The following TMUB2 variants were observed in gnomAD, a reference collection of about 807,000 sequenced individuals.
TMUB2 encodes the protein transmembrane and ubiquitin-like domain-containing protein 2.
Under a neutral mutation model 20.2 loss-of-function variants are expected in TMUB2, and 19 were observed. That is an observed-to-expected ratio of 0.94 (90% confidence interval 0.66 to 1.38). The LOEUF is 1.38. Ranked by LOEUF, TMUB2 falls within the 40% of genes most tolerant of loss-of-function variation. TMUB2 has a pLI of 0.00. For synonymous variants in TMUB2, 186 were observed against 166.0 expected (o/e 1.12, Z -0.92); for missense variants, 426 against 402.5 (o/e 1.06, Z -0.50).
At position 44,191,603 on chromosome 17, in the gene TMUB2, T is replaced by G; in HGVS notation, c.*739T>G. On this transcript the variant is annotated 3_prime_UTR_variant, in exon 4 of 4. Coordinates refer to ENST00000538716, the MANE Select transcript of TMUB2 (RefSeq NM_001076674.3). ...TGTAAGCAAGAGACAGCACTGGCCC[T>G]TGGCCAGCGTCCTACCCTGCCCAAC... 1.0e-6 allele frequency: 1 copy of G among 985,974 alleles called. No individual in the cohort carries two copies. Among genetic ancestry groups the G allele is most frequent in the Non-Finnish European group, 1.2e-6 (1 of 830,010 alleles). The allele number at this position is 985,974 out of a possible 1,614,324, so 61.1% of individuals were successfully genotyped here.
rs1479934015 is a variant in TMUB2 at position 44,190,960 on chromosome 17, G to A, written c.*96G>A. The A allele has an allele frequency of 1.3e-6, 2 of 1,510,984 alleles. No individual in the cohort carries two copies. Among genetic ancestry groups the A allele is most frequent in the Non-Finnish European group, 1.8e-6 (2 of 1,137,600 alleles). 93.6% of individuals were successfully genotyped at this position (1,510,984 alleles called of 1,614,324 possible). A position where few individuals can be genotyped will look rare whatever the true frequency, so the allele number is the denominator to read the frequency against. The stretch of plus-strand genomic sequence containing the variant: ...GGGCCCAAGGGCCGGGGAGGGAGGG[G>A]TGGAAAGGATGTGATGGAAATCTCC... On this transcript the variant is annotated 3_prime_UTR_variant, in exon 4 of 4. Transcript: ENST00000538716.
rs752891201 is a variant in TMUB2, at chr17:44,189,563, G to C, written c.577G>C (p.Glu193Gln). The C allele has an allele frequency of 6.2e-7, 1 of 1,604,266 alleles. No homozygotes were observed. Among genetic ancestry groups the C allele is most frequent in the South Asian group, 1.1e-5 (1 of 90,100 alleles). Residue 193 changes from glutamate (E) to glutamine (Q), a missense_variant, in exon 3 of 4, where the codon GAG (glutamate) becomes CAG (glutamine). Transcript: ENST00000538716. Reference sequence around the variant, plus strand: ...CGAGGAGCTGGCTGTGGCTAGGCCAGAGGATACCGTGGGTGCCCTGAAGAG... The same window carrying C: ...CGAGGAGCTGGCTGTGGCTAGGCCACAGGATACCGTGGGTGCCCTGAAGAG... ...DTEELAVARP[E>Q]DTVGALKSKY...
Position 44,191,164 on chromosome 17 carries a change from G to A in TMUB2, c.*300G>A, listed in dbSNP as rs1187138051. The stretch of plus-strand genomic sequence containing the variant: ...GCTCAGTGGGGAGCCTGGGCTCTGA[G>A]ATTCCCTCCCACCTGTGGTTCTGAC... On this transcript the variant is annotated 3_prime_UTR_variant, in exon 4 of 4. Coordinates refer to ENST00000538716, the MANE Select transcript of TMUB2 (RefSeq NM_001076674.3). 2 of 1,141,100 alleles carry A rather than the reference G, an allele frequency of 1.8e-6. No individual in the cohort carries two copies. The highest frequency in any genetic ancestry group is 1.2e-4 in the East Asian group (2 of 16,902). 70.7% of individuals were successfully genotyped at this position (1,141,100 alleles called of 1,614,324 possible).
At chr17:44,188,740 G>C (rs1170890721) in intron 2 of TMUB2, 1 of 363,752 alleles carries the variant, frequency 2.7e-6, no homozygotes. Context: ...CAGCAAGGCT[G>C]TGGGCTTTTC....
At position 44,187,751 on chromosome 17, in the gene TMUB2, C is replaced by T; in HGVS notation, c.35+8C>T. 1.4e-6 allele frequency: 1 copy of T among 718,538 alleles called. No homozygotes were observed. The highest frequency in any genetic ancestry group is 2.6e-6 in the Non-Finnish European group (1 of 385,046). The allele number at this position is 718,538 out of a possible 1,614,324, so 44.5% of individuals were successfully genotyped here. A position where few individuals can be genotyped will look rare whatever the true frequency, so the allele number is the denominator to read the frequency against. On this transcript the variant is annotated splice_region_variant and intron_variant, in intron 2 of 3. Coordinates refer to ENST00000538716, the MANE Select transcript of TMUB2 (RefSeq NM_001076674.3). ...TCAAAACAACCTCATGAGGTAGGTA[C>T]TGTTTTTAACCCCATTTTACTGATG...
Position 44,189,512 on chromosome 17 carries a change from G to A in TMUB2, c.526G>A (p.Val176Met), listed in dbSNP as rs181575979. 1.9e-5 allele frequency: 30 copies of A among 1,613,844 alleles called. No homozygotes were observed. The East Asian group carries it at 6.2e-4, about 34-fold the overall frequency. Residue 176 changes from valine to methionine, a missense_variant, in exon 3 of 4, where the codon GTG becomes ATG. Physicochemically the swap from Val to Met is conservative, Grantham distance 21. Coordinates refer to ENST00000538716, the MANE Select transcript of TMUB2 (RefSeq NM_001076674.3). ...CLPPSPGLIT[V>M]RLKFLNDTEE... is the part of the protein sequence containing the mutation. ...CCCTCCCAGCCCTGGCCTCATCACTGTGCGGCTCAAATTCCTCAATGATAC... is the reference window on the plus strand; with the variant it reads ...CCCTCCCAGCCCTGGCCTCATCACTATGCGGCTCAAATTCCTCAATGATAC...
intron 3 of TMUB2, 196 bp from the exon 4 acceptor site, chr17:44,190,305 C>G (rs191977306): frequency 8.9e-4 from 462 of 520,154 alleles, no homozygotes; most frequent in Non-Finnish European, 1.2e-3. Flanking sequence ...GAGCCGAGAT[C>G]GCGCCACTGC....
At position 44,189,268 on chromosome 17, in the gene TMUB2, C is replaced by T. The variant is rs544275908; in HGVS notation, c.282C>T (p.Pro94=). 39 of 1,606,458 alleles carry T rather than the reference C, an allele frequency of 2.4e-5. No individual in the cohort carries two copies. Among genetic ancestry groups the T allele is most frequent in the African/African-American group, 2.3e-4 (17 of 74,946 alleles). Residue 94 remains proline (P), a synonymous_variant, in exon 3 of 4, where the codon CCC becomes CCT. Transcript: ENST00000538716. ...VDHLVAGQGN[P]EPTELPHPSE... Reference sequence around the variant, plus strand: ...ACCTGGTGGCAGGCCAAGGCAACCCCGAGCCAACTGAACTCCCCCATCCAT... The same window carrying T: ...ACCTGGTGGCAGGCCAAGGCAACCCTGAGCCAACTGAACTCCCCCATCCAT...
At position 44,191,746 on chromosome 17, in the gene TMUB2, C is replaced by CA; in HGVS notation, c.*883dup. 1 of 985,638 alleles carries CA rather than the reference C, an allele frequency of 1.0e-6. No individual in the cohort carries two copies. Among genetic ancestry groups the CA allele is most frequent in the Non-Finnish European group, 1.2e-6 (1 of 829,862 alleles). The allele number at this position is 985,638 out of a possible 1,614,324, so 61.1% of individuals were successfully genotyped here. On this transcript the variant is annotated 3_prime_UTR_variant, in exon 4 of 4. Transcript: ENST00000538716. ...GTGGTCCTGCAGCCTCTTTCTGTGA[C>CA]AGAGAATGGCTTTGCGCTGCCCCCA...
At position 44,190,972 on chromosome 17, in the gene TMUB2, T is replaced by C. The variant is rs2055485407; in HGVS notation, c.*108T>C. 7.3e-6 allele frequency: 11 copies of C among 1,506,528 alleles called. No individual in the cohort carries two copies. The highest frequency in any genetic ancestry group is 9.7e-6 in the Non-Finnish European group (11 of 1,136,550). The allele number at this position is 1,506,528 out of a possible 1,614,324, so 93.3% of individuals were successfully genotyped here. A position where few individuals can be genotyped will look rare whatever the true frequency, so the allele number is the denominator to read the frequency against. The stretch of plus-strand genomic sequence containing the variant: ...CGGGGAGGGAGGGGTGGAAAGGATG[T>C]GATGGAAATCTCCTCCATAGGACAC... On this transcript the variant is annotated 3_prime_UTR_variant, in exon 4 of 4. Transcript: ENST00000538716.
chr17:44,190,386 GAAA>G, intron 3 of TMUB2, 112 bp from the exon 4 acceptor site: 1 of 1,005,932 alleles, frequency 9.9e-7, no homozygotes, highest in East Asian at 2.8e-5. Context: ...AAAGATGAGG[GAAA>G]AAAAAATCCA....
intron 1 of TMUB2, 148 bp from the exon 2 acceptor site, chr17:44,187,528 T>C (rs951409684): frequency 2.3e-5 from 14 of 617,408 alleles, no homozygotes; most frequent in Non-Finnish European, 3.5e-5. Context: ...GAGAGTTCCC[T>C]GTGTCTGTGC....
At chr17:44,189,705 A>C in intron 3 of TMUB2, 117 bp downstream of exon 3, 1 of 956,600 alleles carries the variant, frequency 1.0e-6, no homozygotes, top group Non-Finnish European at 1.5e-6. Flanking sequence ...AGCCCCTACC[A>C]AGGGCAGGTA....
In TMUB2 at chr17:44,187,679, G is replaced by C. The variant is rs1258403554; in HGVS notation, c.-30G>C. ...ATTAAGCAATTGCAATTTGCAGTGT[G>C]CCAGGCACTGTGCCAAGTATTTTGC... On this transcript the variant is annotated 5_prime_UTR_variant, in exon 2 of 4. Transcript: ENST00000538716. 1 of 718,394 alleles carries C rather than the reference G, an allele frequency of 1.4e-6. No individual in the cohort carries two copies. The highest frequency in any genetic ancestry group is 1.7e-5 in the African/African-American group (1 of 57,234). The allele number at this position is 718,394 out of a possible 1,614,324, so 44.5% of individuals were successfully genotyped here. A position where few individuals can be genotyped will look rare whatever the true frequency, so the allele number is the denominator to read the frequency against.
At position 44,187,014 on chromosome 17, in the gene TMUB2, G is replaced by A. The variant is rs1197559489; in HGVS notation, c.-129G>A. 6.5e-6 allele frequency: 1 copy of A among 152,680 alleles called. No homozygotes were observed. The highest frequency in any genetic ancestry group is 1.5e-5 in the Non-Finnish European group (1 of 68,188). The allele number at this position is 152,680 out of a possible 1,614,324, so 9.5% of individuals were successfully genotyped here. ...GCCGGAAGAGACCGGACCCTGAACAGAATCGCAGATTGCCAGCCCTTTTCC... is the reference window on the plus strand; with the variant it reads ...GCCGGAAGAGACCGGACCCTGAACAAAATCGCAGATTGCCAGCCCTTTTCC... On this transcript the variant is annotated 5_prime_UTR_variant, in exon 1 of 4. Coordinates refer to ENST00000538716, the MANE Select transcript of TMUB2 (RefSeq NM_001076674.3).
chr17:44,189,283 C>T lies in TMUB2; in HGVS notation c.297C>T (p.Leu99=), dbSNP rs769843856. Reference sequence around the variant, plus strand: ...AAGGCAACCCCGAGCCAACTGAACTCCCCCATCCATCAGAGGGTAATGATG... The same window carrying T: ...AAGGCAACCCCGAGCCAACTGAACTTCCCCATCCATCAGAGGGTAATGATG... ...AGQGNPEPTE[L]PHPSEGNDEK... The change falls in exon 3 of 4, where the codon CTC becomes CTT. Residue 99 remains leucine (L), a synonymous_variant. Transcript: ENST00000538716. The T allele has an allele frequency of 3.7e-6, 6 of 1,603,146 alleles. No homozygotes were observed. In the African/African-American group the frequency reaches 8.0e-5, roughly 21 times the overall value.
rs747798229 is a variant in TMUB2 at position 44,190,734 on chromosome 17, T to TGGTGC, written c.837_841dup (p.Leu281ArgfsTer36). On this transcript the variant is annotated frameshift_variant, in exon 4 of 4. Coordinates refer to ENST00000538716, the MANE Select transcript of TMUB2 (RefSeq NM_001076674.3). LOFTEE classifies it high-confidence loss of function. ...GGCAGCCTCATGGTGCCTGTCTTTG[T>TGGTGC]GGTGCTGTTGGGTGTGGTCTGGTAC... 6.2e-7 allele frequency: 1 copy of TGGTGC among 1,614,242 alleles called. No homozygotes were observed. Among genetic ancestry groups the TGGTGC allele is most frequent in the Non-Finnish European group, 8.5e-7 (1 of 1,180,042 alleles).
chr17:44,190,669 C>A lies in TMUB2; in HGVS notation c.771C>A (p.Ala257=). 1 of 1,614,222 alleles carries A rather than the reference C, an allele frequency of 6.2e-7. No individual in the cohort carries two copies. Among genetic ancestry groups the A allele is most frequent in the Non-Finnish European group, 8.5e-7 (1 of 1,180,030 alleles). ...SAVPGPSASL[A]PSATEPPSLG... is the part of the protein sequence containing the mutation. ...TTCCAGGCCCCTCAGCCTCCTTGGC[C>A]CCCTCGGCCACTGAGCCACCCAGCC... Residue 257 remains alanine (A), a synonymous_variant, in exon 4 of 4, where the codon GCC becomes GCA. Transcript: ENST00000538716.
intron 1 of TMUB2, chr17:44,187,445 A>G (rs1442794188): frequency 1.8e-6 from 1 of 544,266 alleles, no homozygotes; most frequent in South Asian, 2.1e-5. Context: ...CGGACAGGGT[A>G]GATCACAGGC....
Sources: allele counts gnomAD v4.1 joint callset, GRCh38; gene constraint gnomAD v4.1.1; transcripts MANE v1.5; gene names NCBI Gene and HGNC (gene_info 2026-07-23, HGNC 2026-07-21).